SAFB: variants seen among roughly 807,000 people sequenced by gnomAD.
SAFB encodes the protein scaffold attachment factor B1.
A neutral mutation model predicts 101.6 loss-of-function variants in SAFB; 15 were observed. That is an observed-to-expected ratio of 0.15 (90% CI 0.10 to 0.23). The LOEUF (loss-of-function observed/expected upper bound fraction) is 0.23. Among genes scored for constraint, SAFB ranks in the 10% least tolerant of loss-of-function variants. The probability of loss-of-function intolerance (pLI) is 1.00; values close to 1 mark genes in which losing one functional copy is unlikely to be tolerated. For synonymous variants in SAFB, 449 were observed against 407.5 expected, an observed-to-expected ratio of 1.10 and a Z score of -1.23; for missense variants, 930 against 1,104.1, an observed-to-expected ratio of 0.84 and a Z score of 2.23.
chr19:5,667,211 A>G lies in SAFB; in HGVS notation c.2453+47A>G, dbSNP rs779809402. On this transcript the variant is annotated intron_variant, in intron 18 of 20. Transcript: ENST00000588852. This position sits in a 1 kb window ranked among gnomAD's most constrained non-coding sequence, Gnocchi z 4.0. ...GTACCTGACCCCCCCCCCGCCCACAAGGGGGCCCGCAAGTCGCTGGGATGT... is the reference window on the plus strand; with the variant it reads ...GTACCTGACCCCCCCCCCGCCCACAGGGGGGCCCGCAAGTCGCTGGGATGT... The G allele has an allele frequency of 6.2e-6, 8 of 1,284,114 alleles. No individual in the cohort carries two copies. The African/African-American group carries it at 1.0e-4, about 17-fold the overall frequency. The allele number at this position is 1,284,114 out of a possible 1,614,324, so 79.5% of individuals were successfully genotyped here.
intron 6 of SAFB, chr19:5,648,305 A>G: frequency 2.0e-6 from 1 of 494,930 alleles, no homozygotes; most frequent in Non-Finnish European, 3.5e-6. Flanking sequence ...TATCAACAGC[A>G]TTGAATCATA....
At chr19:5,651,328 T>A (rs2053933874) in intron 9 of SAFB, among the ~76,000 whole-genome samples, 1 of 152,208 alleles carries the variant, frequency 6.6e-6, no homozygotes, top group African/African-American at 2.4e-5. Context: ...TGGATCCATT[T>A]CTGTGTCCTC....
intron 13 of SAFB, 43 bp from the exon 14 acceptor site, chr19:5,657,198 C>A: frequency 2.0e-6 from 3 of 1,471,704 alleles, no homozygotes; most frequent in Non-Finnish European, 1.9e-6. Flanking sequence ...AGCCTCCGTG[C>A]CTGGCCTCTG....
intron 4 of SAFB, among the ~76,000 whole-genome samples, chr19:5,643,420 A>G (rs1318995419): frequency 6.6e-6 from 1 of 152,184 alleles, no homozygotes; most frequent in Non-Finnish European, 1.5e-5. Context: ...CCTTAGAGGT[A>G]GCAGATTGTC....
At chr19:5,662,791 C>T (rs752140105) in intron 15 of SAFB, among the ~76,000 whole-genome samples, 3 of 151,446 alleles carry the variant, frequency 2.0e-5, no homozygotes, top group Admixed American at 6.6e-5. Context: ...CAGGCACCCA[C>T]CACCACACCC....
chr19:5,626,420 G>A lies in SAFB; in HGVS notation c.205G>A (p.Gly69Ser). ...ERLKKAIEDE[G>S]GNPDEIEITS... ...TTCTTTTTAGGCAATTGAAGATGAAGGTGGTAATCCTGACGAAATTGAAAT... is the reference window on the plus strand; with the variant it reads ...TTCTTTTTAGGCAATTGAAGATGAAAGTGGTAATCCTGACGAAATTGAAAT... Residue 69 changes from glycine (G) to serine (S), a missense_variant, in exon 2 of 21, where the codon GGT (glycine) becomes AGT (serine). Gly to Ser is a moderately conservative substitution (Grantham distance 56, BLOSUM62 0). Around this residue, in one of 7 missense-constraint regions of SAFB, gnomAD observed 119 missense variants for 171.4 expected, o/e 0.69. Transcript: ENST00000588852. 6.2e-7 allele frequency: 1 copy of A among 1,605,976 alleles called. No homozygotes were observed. The highest frequency in any genetic ancestry group is 8.5e-7 in the Non-Finnish European group (1 of 1,172,652).
At chr19:5,661,444 G>C (rs775327553) in intron 14 of SAFB, 74 bp from the exon 15 acceptor site, 1 of 1,580,152 alleles carries the variant, frequency 6.3e-7, no homozygotes, top group Non-Finnish European at 8.6e-7. Context: ...GCGACCCAGC[G>C]TCTTACTTAA....
intron 6 of SAFB, 145 bp from the exon 7 acceptor site, chr19:5,648,842 CTT>C (rs1037641906): frequency 1.8e-6 from 1 of 552,058 alleles, no homozygotes; most frequent in African/African-American, 1.9e-5. Flanking sequence ...ACCAGTATAA[CTT>C]TGTGTACCCG....
chr19:5,661,429 T>C, intron 14 of SAFB, 89 bp from the exon 15 acceptor site: 1 of 1,559,812 alleles, frequency 6.4e-7, no homozygotes, highest in South Asian at 1.2e-5. Context: ...AGCCCTGGAG[T>C]CTGTGCGACC....
Position 5,638,586 on chromosome 19 carries a change from G to C in SAFB, c.275-3008G>C, listed in dbSNP as rs539064619. On this transcript the variant is annotated intron_variant, in intron 2 of 20. Coordinates refer to ENST00000588852, the MANE Select transcript of SAFB (RefSeq NM_001201338.2). Reference sequence around the variant, plus strand: ...GACCCACCCACCTCGACCTCCCAAAGTGCTGAGATTACAGGTGTGAGCCAC... The same window carrying C: ...GACCCACCCACCTCGACCTCCCAAACTGCTGAGATTACAGGTGTGAGCCAC... Among the ~76,000 whole-genome samples, 8 of 151,942 alleles carry C rather than the reference G, an allele frequency of 5.3e-5. No homozygotes were observed. In the East Asian group the frequency reaches 1.6e-3, roughly 29 times the overall value.
At chr19:5,652,062 G>A (rs886220502) in intron 9 of SAFB, among the ~76,000 whole-genome samples, 4 of 152,020 alleles carry the variant, frequency 2.6e-5, no homozygotes, top group African/African-American at 7.2e-5. Flanking sequence ...GCGTGGTGGC[G>A]CATGCCTGTA....
At position 5,661,748 on chromosome 19, in the gene SAFB, A is replaced by G. The variant is rs1194059275; in HGVS notation, c.2093A>G (p.Gln698Arg). The G allele has an allele frequency of 6.3e-7, 1 of 1,586,990 alleles. No homozygotes were observed. The highest frequency in any genetic ancestry group is 1.3e-5 in the African/African-American group (1 of 74,678). ...HREREELRRQ[Q>R]ELRYEQERRP... The stretch of plus-strand genomic sequence containing the variant: ...GAGCGCGAGGAGCTGAGGCGCCAGC[A>G]GGAACTGCGCTATGAGCAGGAGCGG... Residue 698 changes from glutamine to arginine, a missense_variant, in exon 15 of 21, where the codon CAG becomes CGG. Gln to Arg is a conservative substitution (Grantham distance 43). Transcript: ENST00000588852.
At chr19:5,630,279 T>C (rs1002815929) in intron 2 of SAFB, among the ~76,000 whole-genome samples, 12 of 152,250 alleles carry the variant, frequency 7.9e-5, no homozygotes, top group Non-Finnish European at 1.6e-4. Flanking sequence ...GTCGTCTGAA[T>C]GGCCTTTTCA....
Position 5,667,531 on chromosome 19 carries a change from G to C in SAFB, c.2557+81G>C. The stretch of plus-strand genomic sequence containing the variant: ...GAGGCCGCGCCTTCTCTCCTTGGGG[G>C]AGCACAGGAGGTGCTCTGCTCTCAG... On this transcript the variant is annotated intron_variant, in intron 19 of 20. Transcript: ENST00000588852. The surrounding 1 kb of genome is among the most constrained non-coding windows in gnomAD (Gnocchi z 4.0). 1.0e-6 allele frequency: 1 copy of C among 988,802 alleles called. No homozygotes were observed. Among genetic ancestry groups the C allele is most frequent in the African/African-American group, 1.7e-5 (1 of 60,346 alleles). The allele number at this position is 988,802 out of a possible 1,614,324, so 61.3% of individuals were successfully genotyped here.
chr19:5,632,561 C>T (rs1350114299), intron 2 of SAFB, among the ~76,000 whole-genome samples: 1 of 152,150 alleles, frequency 6.6e-6, no homozygotes, highest in Admixed American at 6.5e-5. Context: ...AAAAAATGTC[C>T]AGAGTCATGC....
intron 1 of SAFB, among the ~76,000 whole-genome samples, chr19:5,624,220 ATTC>A (rs959040118): frequency 2.1e-5 from 3 of 143,960 alleles, no homozygotes; most frequent in Non-Finnish European, 3.0e-5. Context: ...CCTCTTTTCT[ATTC>A]TTTTTTTTTT....
chr19:5,664,956 T>G (rs1245426884), intron 17 of SAFB: 1 of 155,966 alleles, frequency 6.4e-6, no homozygotes, highest in African/African-American at 2.4e-5. Flanking sequence ...AGCTCCATTT[T>G]CTCCTTCCAT....
At chr19:5,653,954 TG>T in intron 11 of SAFB, 106 bp from the exon 12 acceptor site, 1 of 942,948 alleles carries the variant, frequency 1.1e-6, no homozygotes. Flanking sequence ...TTGGCCAGGC[TG>T]GTCTCGAACT....
intron 15 of SAFB, among the ~76,000 whole-genome samples, chr19:5,662,897 C>T (rs2054247654): frequency 6.6e-6 from 1 of 152,016 alleles, no homozygotes; most frequent in Non-Finnish European, 1.5e-5. Context: ...CCACCTCAGA[C>T]TCCCAAAGTG....
Sources: allele counts gnomAD v4.1 joint callset (sites outside exome capture counted in the v4.1 genomes callset), GRCh38; gene constraint gnomAD v4.1.1; regional missense constraint gnomAD v4.1.1; non-coding constraint Gnocchi (gnomAD v3.1); transcripts MANE v1.5; gene names NCBI Gene and HGNC (gene_info 2026-07-23, HGNC 2026-07-21).